The following SLC24A2 variants were observed in gnomAD, a reference collection of about 807,000 sequenced individuals.
SLC24A2 encodes solute carrier family 24 member 2.
A neutral mutation model predicts 62.0 loss-of-function variants in SLC24A2; 36 were observed. The ratio of observed to expected loss-of-function variants is 0.58; its 90% CI spans 0.44 to 0.77. The LOEUF (loss-of-function observed/expected upper bound fraction) is 0.77. Among genes scored for constraint, SLC24A2 ranks in the 30% least tolerant of loss-of-function variants. The pLI is 0.00. For synonymous variants in SLC24A2, 358 were observed against 294.0 expected (o/e 1.22, Z -2.23); for missense variants, 846 against 817.9 (o/e 1.03, Z -0.42).
At chr9:20,228,400 T>A in the SLC24A2 span, among the ~76,000 whole-genome samples, 1 of 151,884 alleles carries the variant, frequency 6.6e-6, no homozygotes, top group African/African-American at 2.4e-5. Context: ...TGCACTCACA[T>A]ACACACCCAG....
At chr9:20,105,291 A>G in the SLC24A2 span, among the ~76,000 whole-genome samples, 3 of 152,294 alleles carry the variant, frequency 2.0e-5, no homozygotes, top group South Asian at 6.2e-4. Flanking sequence ...CAGATCAACG[A>G]GACAGAAAGT....
the SLC24A2 span, among the ~76,000 whole-genome samples, chr9:20,268,904 A>G: frequency 6.6e-6 from 1 of 152,304 alleles, no homozygotes; most frequent in African/African-American, 2.4e-5. Flanking sequence ...CCATTCTGGG[A>G]CATTCAGTTT....
At chr9:19,829,606 C>T in the SLC24A2 span, among the ~76,000 whole-genome samples, 3 of 151,646 alleles carry the variant, frequency 2.0e-5, no homozygotes, top group Non-Finnish European at 4.4e-5. Context: ...TGACTTGTGC[C>T]TGTAATATCA....
At chr9:20,080,862 A>C in the SLC24A2 span, among the ~76,000 whole-genome samples, 2 of 152,116 alleles carry the variant, frequency 1.3e-5, no homozygotes, top group African/African-American at 4.8e-5. Context: ...ATGCAGCCAA[A>C]AGACACATGA....
the SLC24A2 span, among the ~76,000 whole-genome samples, chr9:20,268,232 G>T: frequency 6.6e-6 from 1 of 152,160 alleles, no homozygotes; most frequent in African/African-American, 2.4e-5. Context: ...AGGAGCAGAG[G>T]AGAGGGCGCT....
the SLC24A2 span, among the ~76,000 whole-genome samples, chr9:20,009,735 G>A: frequency 6.6e-6 from 1 of 152,176 alleles, no homozygotes; most frequent in Admixed American, 6.5e-5. Context: ...TCCCAAGTCA[G>A]GAGGCAACCG....
At position 19,542,341 on chromosome 9, in the gene SLC24A2, T is replaced by G. The variant is rs144642106; in HGVS notation, c.1479+7796A>C. Among the ~76,000 whole-genome samples, 1,407 of 152,332 alleles carry G rather than the reference T, an allele frequency of 9.2e-3. 22 individuals are homozygous for G. The highest frequency in any genetic ancestry group is 0.032 in the African/African-American group (1,345 of 41,568). On this transcript the variant is annotated intron_variant, in intron 8 of 10. Transcript: ENST00000341998. ...TTATCAGCTTAAGGAGATTTTGGGC[T>G]GGGACAATAGAGTTTTCTAAATATA...
chr9:20,160,939 T>C, the SLC24A2 span, among the ~76,000 whole-genome samples: 1 of 150,662 alleles, frequency 6.6e-6, no homozygotes, highest in Non-Finnish European at 1.5e-5. Context: ...TAAGTTAATA[T>C]ATCAAAACAC....
At chr9:20,271,991 G>C in the SLC24A2 span, among the ~76,000 whole-genome samples, 1 of 152,120 alleles carries the variant, frequency 6.6e-6, no homozygotes, top group East Asian at 1.9e-4. Context: ...TAAACTATTA[G>C]ATCGCATTCA....
the SLC24A2 span, among the ~76,000 whole-genome samples, chr9:20,113,456 A>T: frequency 6.6e-6 from 1 of 152,178 alleles, no homozygotes; most frequent in East Asian, 1.9e-4. Context: ...ATTTGTTATG[A>T]TGATGATTAT....
At chr9:20,080,774 T>G in the SLC24A2 span, among the ~76,000 whole-genome samples, 249 of 151,944 alleles carry the variant, frequency 1.6e-3, 1 homozygote, top group Middle Eastern at 6.8e-3. Context: ...CTCAAACAAA[T>G]TTACAAGAAA....
chr9:19,981,134 T>C, the SLC24A2 span, among the ~76,000 whole-genome samples: 1 of 152,222 alleles, frequency 6.6e-6, no homozygotes, highest in African/African-American at 2.4e-5. Context: ...TCTTATTTCT[T>C]CAGATTGTTT....
the SLC24A2 span, among the ~76,000 whole-genome samples, chr9:20,126,205 T>C: frequency 1.3e-5 from 2 of 152,242 alleles, no homozygotes; most frequent in Non-Finnish European, 2.9e-5. Context: ...TTTGCCAAGC[T>C]AGTATGTGTG....
the SLC24A2 span, among the ~76,000 whole-genome samples, chr9:20,284,608 A>G: frequency 6.6e-6 from 1 of 152,174 alleles, no homozygotes; most frequent in Non-Finnish European, 1.5e-5. Flanking sequence ...CTACATAGCA[A>G]AAGAAGAGAT....
chr9:20,166,734 TG>T, the SLC24A2 span, among the ~76,000 whole-genome samples: 371 of 152,166 alleles, frequency 2.4e-3, 3 homozygotes, highest in African/African-American at 8.5e-3. Flanking sequence ...TATACTTTTA[TG>T]TATGGTTTTG....
At chr9:20,108,903 C>G in the SLC24A2 span, among the ~76,000 whole-genome samples, 1 of 148,884 alleles carries the variant, frequency 6.7e-6, no homozygotes, top group Non-Finnish European at 1.5e-5. Flanking sequence ...TTAAAATAGT[C>G]ATGTGCCATG....
At chr9:19,994,751 G>A in the SLC24A2 span, among the ~76,000 whole-genome samples, 7 of 152,122 alleles carry the variant, frequency 4.6e-5, no homozygotes, top group Admixed American at 1.3e-4. Context: ...TTCATGCACC[G>A]GTCCTCAACA....
the SLC24A2 span, among the ~76,000 whole-genome samples, chr9:20,189,268 C>A: frequency 6.6e-6 from 1 of 152,032 alleles, no homozygotes; most frequent in African/African-American, 2.4e-5. Context: ...CCTAAAACCC[C>A]AAGTAGTTCT....
chr9:20,250,465 A>G, the SLC24A2 span, among the ~76,000 whole-genome samples: 1 of 152,226 alleles, frequency 6.6e-6, no homozygotes, highest in Non-Finnish European at 1.5e-5. Context: ...CAGGAGCCAT[A>G]ACCACTTGAT....
Sources: gnomAD v4.1 joint callset for allele counts (sites outside exome capture counted in the v4.1 genomes callset) on GRCh38, gnomAD v4.1.1 for gene constraint, MANE v1.5 for transcripts, NCBI Gene and HGNC (gene_info 2026-07-23, HGNC 2026-07-21) for gene names.